Variants in NELL1 observed in about 807,000 individuals in gnomAD.
The protein encoded by NELL1 is neural EGFL like 1.
A neutral mutation model predicts 107.4 loss-of-function variants in NELL1; 76 were observed. The observed-to-expected ratio is 0.71, with a 90% CI of 0.59 to 0.86. NELL1 has a LOEUF of 0.86. Among genes scored for constraint, NELL1 ranks in the 40% least tolerant of loss-of-function variants. The pLI is 0.00. For missense variants in NELL1, 1,024 were observed against 1,005.5 expected (o/e 1.02, Z -0.25); for synonymous variants, 353 against 341.2 (o/e 1.03, Z -0.38).
At chr11:21,197,202 CTTT>C (rs143247393) in intron 13 of NELL1, among the ~76,000 whole-genome samples, 2 of 144,978 alleles carry the variant, frequency 1.4e-5, no homozygotes, top group Non-Finnish European at 1.5e-5. Flanking sequence ...TTAAGCCAGT[CTTT>C]TTTTTTTTTT....
chr11:20,805,793 T>A (rs1190127549), intron 3 of NELL1, among the ~76,000 whole-genome samples: 1 of 152,236 alleles, frequency 6.6e-6, no homozygotes, highest in Non-Finnish European at 1.5e-5. Flanking sequence ...TGAGCCACCG[T>A]GCCTGGCCAA....
intron 13 of NELL1, among the ~76,000 whole-genome samples, chr11:21,197,502 C>T (rs972909104): frequency 6.6e-6 from 1 of 151,936 alleles, no homozygotes; most frequent in Non-Finnish European, 1.5e-5. Flanking sequence ...CAGCCTCAGC[C>T]AGAGGAACTG....
chr11:21,352,316 A>G (rs769642480), intron 14 of NELL1, among the ~76,000 whole-genome samples: 3 of 152,164 alleles, frequency 2.0e-5, no homozygotes, highest in Non-Finnish European at 2.9e-5. Context: ...GATAAGTTGC[A>G]TATGACCAGG....
intron 15 of NELL1, among the ~76,000 whole-genome samples, chr11:21,462,126 G>T (rs1853914936): frequency 6.6e-6 from 1 of 151,874 alleles, no homozygotes; most frequent in Non-Finnish European, 1.5e-5. Context: ...TGGACCTTTT[G>T]GTTTAAATGG....
chr11:21,345,546 A>G (rs902347327), intron 14 of NELL1, among the ~76,000 whole-genome samples: 5 of 152,190 alleles, frequency 3.3e-5, no homozygotes, highest in Admixed American at 6.5e-5. Flanking sequence ...ATGCTCAGGG[A>G]AAGATGCTGG....
At chr11:21,430,468 A>C (rs1271214652) in intron 15 of NELL1, among the ~76,000 whole-genome samples, 1 of 152,280 alleles carries the variant, frequency 6.6e-6, no homozygotes, top group Non-Finnish European at 1.5e-5. Context: ...TTTATCTAAA[A>C]ATCTCTATAC....
intron 12 of NELL1, among the ~76,000 whole-genome samples, chr11:20,994,133 G>A (rs1200035630): frequency 6.6e-6 from 1 of 152,134 alleles, no homozygotes; most frequent in African/African-American, 2.4e-5. Context: ...AACAGGTTCA[G>A]GGCCTTATAT....
intron 4 of NELL1, among the ~76,000 whole-genome samples, chr11:20,866,947 G>T (rs555471359): frequency 1.3e-5 from 2 of 152,304 alleles, no homozygotes; most frequent in South Asian, 4.1e-4. Context: ...AATATTTGTT[G>T]AATGAATAAA....
At chr11:20,750,996 A>G (rs1426841604) in intron 2 of NELL1, among the ~76,000 whole-genome samples, 1 of 151,614 alleles carries the variant, frequency 6.6e-6, no homozygotes, top group Admixed American at 6.6e-5. Flanking sequence ...TTCCTATTTC[A>G]TTGACTTTGT....
chr11:20,822,914 C>G (rs1167296562), intron 3 of NELL1, among the ~76,000 whole-genome samples: 1 of 152,104 alleles, frequency 6.6e-6, no homozygotes, highest in East Asian at 1.9e-4. Context: ...GTAAAGAGGT[C>G]TAAAGTAAGT....
intron 11 of NELL1, among the ~76,000 whole-genome samples, chr11:20,954,537 C>A (rs972874503): frequency 1.3e-5 from 2 of 152,126 alleles, no homozygotes; most frequent in East Asian, 1.9e-4. Context: ...AATTTCCCTG[C>A]GGGCAGAGAA....
intron 5 of NELL1, among the ~76,000 whole-genome samples, chr11:20,915,581 A>G (rs1383766289): frequency 6.6e-6 from 1 of 150,936 alleles, no homozygotes; most frequent in Non-Finnish European, 1.5e-5. Flanking sequence ...TTAAATGTAG[A>G]TACATTTAGA....
intron 15 of NELL1, among the ~76,000 whole-genome samples, chr11:21,465,760 T>C (rs760422469): frequency 6.6e-6 from 1 of 152,090 alleles, no homozygotes; most frequent in Admixed American, 6.6e-5. Flanking sequence ...CCTGAAAGCA[T>C]TGTTATCACT....
At chr11:21,357,562 G>T (rs1483122990) in intron 14 of NELL1, among the ~76,000 whole-genome samples, 1 of 152,072 alleles carries the variant, frequency 6.6e-6, no homozygotes, top group Admixed American at 6.5e-5. Flanking sequence ...GTCCTTTGTT[G>T]TCCATAGTTA....
intron 13 of NELL1, among the ~76,000 whole-genome samples, chr11:21,116,880 A>C (rs150802584): frequency 3.9e-4 from 59 of 152,168 alleles, no homozygotes; most frequent in African/African-American, 1.4e-3. Context: ...TTTTTTAAAA[A>C]GAGAAATCAT....
chr11:21,545,372 G>A (rs1215564670), intron 16 of NELL1, among the ~76,000 whole-genome samples: 1 of 151,944 alleles, frequency 6.6e-6, no homozygotes, highest in East Asian at 2.0e-4. Flanking sequence ...TGACAATTTT[G>A]TATTCTGTGA....
At chr11:20,804,279 A>C (rs1857337375) in intron 3 of NELL1, among the ~76,000 whole-genome samples, 1 of 152,138 alleles carries the variant, frequency 6.6e-6, no homozygotes, top group Non-Finnish European at 1.5e-5. Flanking sequence ...TCTGTCACCC[A>C]GGCTGGAGTG....
At chr11:21,478,413 C>A (rs759913001) in intron 15 of NELL1, among the ~76,000 whole-genome samples, 1 of 152,140 alleles carries the variant, frequency 6.6e-6, no homozygotes, top group Non-Finnish European at 1.5e-5. Context: ...AACAGTCCCA[C>A]AAAGTCTTAA....
intron 5 of NELL1, among the ~76,000 whole-genome samples, chr11:20,891,625 A>G (rs909578470): frequency 1.3e-5 from 2 of 152,270 alleles, no homozygotes; most frequent in Middle Eastern, 3.4e-3. Context: ...TCCATCTTAC[A>G]TGCAAAGACA....
Sources: allele counts gnomAD v4.1 joint callset (sites outside exome capture counted in the v4.1 genomes callset), GRCh38; gene constraint gnomAD v4.1.1; transcripts MANE v1.5; gene names NCBI Gene and HGNC (gene_info 2026-07-23, HGNC 2026-07-21).